Variants in NLRP14 observed in about 807,000 individuals in gnomAD.
The protein encoded by NLRP14 is NLR family pyrin domain containing 14.
Under a neutral mutation model 94.7 loss-of-function variants are expected in NLRP14, and 105 were observed. The ratio of observed to expected loss-of-function variants is 1.11; its 90% confidence interval spans 0.95 to 1.30. The LOEUF is 1.30. Ranked by LOEUF, NLRP14 falls within the 50% of genes most tolerant of loss-of-function variation. The pLI, the probability that NLRP14 is intolerant of heterozygous loss-of-function variation, is 0.00. For missense variants in NLRP14, 1,362 were observed against 1,254.1 expected (o/e 1.09, Z -1.30); for synonymous variants, 508 against 459.9 (o/e 1.10, Z -1.34).
the NLRP14 span, among the ~76,000 whole-genome samples, chr11:7,087,538 T>C: frequency 6.6e-6 from 1 of 152,170 alleles, no homozygotes; most frequent in Non-Finnish European, 1.5e-5. Flanking sequence ...GTGATGGAAA[T>C]GTTATAGATT....
Position 7,043,465 on chromosome 11 carries a change from A to C in NLRP14, c.1439A>C (p.His480Pro). Residue 480 changes from histidine to proline, a missense_variant, in exon 4 of 12, where the codon CAC becomes CCC. Physicochemically the swap from His to Pro is moderately conservative, Grantham distance 77. Transcript: ENST00000299481. ...TATGAAAACTGCTATGTGTTCACCCACCTTCATGTTCAGGAGTTTTTTGCA... is the reference window on the plus strand; with the variant it reads ...TATGAAAACTGCTATGTGTTCACCCCCCTTCATGTTCAGGAGTTTTTTGCA... ...AEYENCYVFT[H>P]LHVQEFFAAM... 1 of 1,614,134 alleles carries C rather than the reference A, an allele frequency of 6.2e-7. No individual in the cohort carries two copies. The highest frequency in any genetic ancestry group is 8.5e-7 in the Non-Finnish European group (1 of 1,180,020).
Position 7,039,803 on chromosome 11 carries a change from T to A in NLRP14, c.361+18T>A, listed in dbSNP as rs1852220273. On this transcript the variant is annotated intron_variant, in intron 3 of 11. Coordinates refer to ENST00000299481, the MANE Select transcript of NLRP14 (RefSeq NM_176822.4). ...AGTGCTGGGTGAGTAGTTAGGCCTT[T>A]CATCAGATTTGGGAGGCATTCAAAG... 1 of 1,593,176 alleles carries A rather than the reference T, an allele frequency of 6.3e-7. No individual in the cohort carries two copies.
the NLRP14 span, among the ~76,000 whole-genome samples, chr11:7,087,804 A>G: frequency 6.6e-6 from 1 of 152,322 alleles, no homozygotes; most frequent in South Asian, 2.1e-4. Flanking sequence ...GGCTGATAGC[A>G]AAGATTTAGG....
At chr11:7,063,556 A>G (rs1277389001) in intron 10 of NLRP14, among the ~76,000 whole-genome samples, 1 of 152,016 alleles carries the variant, frequency 6.6e-6, no homozygotes, top group Non-Finnish European at 1.5e-5. Context: ...TTGTTAGCAA[A>G]CATGTAGCAG....
chr11:7,022,709 C>T (rs1436704259), intron 1 of NLRP14, among the ~76,000 whole-genome samples: 11 of 152,146 alleles, frequency 7.2e-5, no homozygotes, highest in Non-Finnish European at 1.2e-4. Context: ...GATTATAGTT[C>T]AAAACCCATC....
At chr11:7,029,003 G>T (rs1039618177) in intron 1 of NLRP14, among the ~76,000 whole-genome samples, 2 of 152,044 alleles carry the variant, frequency 1.3e-5, no homozygotes, top group African/African-American at 4.8e-5. Flanking sequence ...ACTTGTATTT[G>T]TGTGTGTGAC....
chr11:7,090,654 C>G, the NLRP14 span: 1 of 342,296 alleles, frequency 2.9e-6, no homozygotes, highest in Non-Finnish European at 5.8e-6. Flanking sequence ...AACATCTGCT[C>G]ACCTAAAATG....
intron 5 of NLRP14, 144 bp downstream of exon 5, chr11:7,046,976 C>A (rs1046002244): frequency 5.6e-6 from 4 of 717,604 alleles, no homozygotes; most frequent in Middle Eastern, 7.2e-4. Context: ...ATGGAATCCT[C>A]TGGGGACATG....
In NLRP14 at chr11:7,038,782, T is replaced by C. The variant is rs772298964; in HGVS notation, c.196T>C (p.Tyr66His). The C allele has an allele frequency of 2.5e-6, 4 of 1,613,206 alleles. No homozygotes were observed. Among genetic ancestry groups the C allele is most frequent in the South Asian group, 2.2e-5 (2 of 90,844 alleles). ...CCTGGCCAATTTGATGAAGAAATATTATCCAGGAGAGAAAGCCTGGAGTGT... is the reference window on the plus strand; with the variant it reads ...CCTGGCCAATTTGATGAAGAAATATCATCCAGGAGAGAAAGCCTGGAGTGT... ...EDLANLMKKY[Y>H]PGEKAWSVSL... The change falls in exon 2 of 12, where the codon TAT becomes CAT. Residue 66 changes from tyrosine (Y) to histidine (H), a missense_variant. By Grantham distance (83) the Tyr-to-His change is moderately conservative. Coordinates refer to ENST00000299481, the MANE Select transcript of NLRP14 (RefSeq NM_176822.4).
the NLRP14 span, chr11:7,089,617 C>A: frequency 3.3e-6 from 4 of 1,210,248 alleles, no homozygotes; most frequent in Non-Finnish European, 4.1e-6. Flanking sequence ...AGGGCCGCGC[C>A]GTCGGGCCCG....
intron 3 of NLRP14, among the ~76,000 whole-genome samples, chr11:7,041,640 T>A (rs1852251920): frequency 6.6e-6 from 1 of 152,202 alleles, no homozygotes; most frequent in South Asian, 2.1e-4. Context: ...CATGCAATGA[T>A]GAAGCCCCTA....
At position 7,043,746 on chromosome 11, in the gene NLRP14, C is replaced by T; in HGVS notation, c.1720C>T (p.Pro574Ser). The part of the protein sequence containing the change: ...MEVLGNSDYS[P>S]SQLGFLELFH... The stretch of plus-strand genomic sequence containing the variant: ...AGTATTAGGAAACAGTGACTATTCT[C>T]CATCACAGCTGGGATTTCTGGAGTT... Residue 574 changes from proline to serine, a missense_variant, in exon 4 of 12, where the codon CCA (proline) becomes TCA (serine). Transcript: ENST00000299481. 1.2e-6 allele frequency: 2 copies of T among 1,614,132 alleles called. No individual in the cohort carries two copies. Among genetic ancestry groups the T allele is most frequent in the Non-Finnish European group, 8.5e-7 (1 of 1,179,982 alleles).
chr11:7,063,876 A>G (rs1175687740), intron 10 of NLRP14, among the ~76,000 whole-genome samples: 2 of 152,106 alleles, frequency 1.3e-5, no homozygotes, highest in Non-Finnish European at 1.5e-5. Flanking sequence ...TTTAGAACCC[A>G]TACAAGGGAG....
At chr11:7,023,370 A>G (rs1411136131) in intron 1 of NLRP14, among the ~76,000 whole-genome samples, 1 of 146,672 alleles carries the variant, frequency 6.8e-6, no homozygotes, top group African/African-American at 2.5e-5. Flanking sequence ...ATATAAATAT[A>G]TATATCATGT....
intron 10 of NLRP14, among the ~76,000 whole-genome samples, chr11:7,062,776 T>C (rs1354798222): frequency 6.6e-6 from 1 of 152,102 alleles, no homozygotes; most frequent in Non-Finnish European, 1.5e-5. Context: ...TCATGTTCTG[T>C]CATCCTTCAG....
At chr11:7,060,733 G>A (rs1852605127) in intron 9 of NLRP14, among the ~76,000 whole-genome samples, 1 of 151,936 alleles carries the variant, frequency 6.6e-6, no homozygotes, top group Admixed American at 6.6e-5. Context: ...CACTCTATGA[G>A]CAGATTTGCA....
At chr11:7,034,703 C>G (rs1397105665) in intron 1 of NLRP14, among the ~76,000 whole-genome samples, 1 of 152,172 alleles carries the variant, frequency 6.6e-6, no homozygotes, top group Non-Finnish European at 1.5e-5. Context: ...AATTCCCTTA[C>G]TGTGTCCAAA....
intron 6 of NLRP14, 29 bp downstream of exon 6, chr11:7,049,867 TG>T (rs1852417491): frequency 6.3e-7 from 1 of 1,597,732 alleles, no homozygotes; most frequent in African/African-American, 1.3e-5. Context: ...TGTCTTGTTT[TG>T]TTTTTATAAT....
At chr11:7,075,699 C>T (rs1334926427), downstream of NLRP14, among the ~76,000 whole-genome samples, 1 of 152,146 alleles carries the variant, frequency 6.6e-6, no homozygotes, top group East Asian at 1.9e-4. Context: ...GGAATATAGT[C>T]ACTAGTAATT....
Sources: gnomAD v4.1 joint callset for allele counts (sites outside exome capture counted in the v4.1 genomes callset) on GRCh38, gnomAD v4.1.1 for gene constraint, MANE v1.5 for transcripts, NCBI Gene and HGNC (gene_info 2026-07-23, HGNC 2026-07-21) for gene names.